The following INO80D variants were observed in gnomAD, a reference collection of about 807,000 sequenced individuals.
INO80D encodes INO80 complex subunit D.
INO80D carries 21 observed loss-of-function variants against 87.6 expected under a neutral mutation model. That is an observed-to-expected ratio of 0.24 (90% CI 0.17 to 0.35). The LOEUF (loss-of-function observed/expected upper bound fraction) is 0.35. Among genes scored for constraint, INO80D ranks in the 10% least tolerant of loss-of-function variants. The pLI, the probability that INO80D is intolerant of heterozygous loss-of-function variation, is 1.00. For synonymous variants in INO80D, 440 were observed against 491.0 expected, an observed-to-expected ratio of 0.90 and a Z score of 1.37; for missense variants, 982 against 1,280.7, an observed-to-expected ratio of 0.77 and a Z score of 3.56.
intron 1 of INO80D, among the ~76,000 whole-genome samples, chr2:206,080,902 CAAAAAAAAAA>C (rs60198558): frequency 3.2e-4 from 12 of 38,064 alleles, no homozygotes; most frequent in Non-Finnish European, 4.9e-4. Flanking sequence ...GACTCAGTCT[CAAAAAAAAAA>C]AAAAAAAAAA....
chr2:206,005,416 C>A lies in INO80D; in HGVS notation c.2036G>T (p.Gly679Val), dbSNP rs755534871. The change falls in exon 11 of 11, where the codon GGT becomes GTT. Residue 679 changes from glycine (G) to valine (V), a missense_variant. By Grantham distance (109) the Gly-to-Val change is moderately radical. Coordinates refer to ENST00000403263, the MANE Select transcript of INO80D (RefSeq NM_017759.5). ...STIGVLAQSD[G>V]VPVQELSDRG... ...ATCTGACAACTCCTGGACTGGCACACCATCTGACTGGGCAAGGACCCCAAT... is the reference window on the plus strand; with the variant it reads ...ATCTGACAACTCCTGGACTGGCACAACATCTGACTGGGCAAGGACCCCAAT... 1.2e-6 allele frequency: 2 copies of A among 1,613,984 alleles called. No individual in the cohort carries two copies. Among genetic ancestry groups the A allele is most frequent in the Non-Finnish European group, 8.5e-7 (1 of 1,179,892 alleles).
intron 5 of INO80D, among the ~76,000 whole-genome samples, chr2:206,036,739 C>T (rs1688906049): frequency 6.6e-6 from 1 of 152,164 alleles, no homozygotes; most frequent in Non-Finnish European, 1.5e-5. Flanking sequence ...GATGCTATTA[C>T]TGCAGAATGG....
intron 8 of INO80D, among the ~76,000 whole-genome samples, chr2:206,013,583 A>G (rs1688237391): frequency 6.6e-6 from 1 of 152,074 alleles, no homozygotes; most frequent in African/African-American, 2.4e-5. Context: ...ATAGGAACCA[A>G]AAATTCATTC....
At position 206,056,924 on chromosome 2, in the gene INO80D, G is replaced by A; in HGVS notation, c.238C>T (p.Gln80Ter). ...TTTTTCGGGATAAAGCCAAGTACCT[G>A]CAAGTGGCTGTTGCAGTACCTTTAA... ...EDRRYCNSHL[Q>*]VLGFIPKKER... The change falls in exon 4 of 11, where the codon CAG becomes TAG. Residue 80 changes from glutamine (Q) to a stop codon, truncating the protein, a stop_gained. Coordinates refer to ENST00000403263, the MANE Select transcript of INO80D (RefSeq NM_017759.5). LOFTEE classifies it high-confidence loss of function. The A allele has an allele frequency of 1.3e-6, 2 of 1,598,328 alleles. No individual in the cohort carries two copies. The highest frequency in any genetic ancestry group is 1.7e-6 in the Non-Finnish European group (2 of 1,168,584).
intron 1 of INO80D, among the ~76,000 whole-genome samples, chr2:206,067,605 T>C (rs1256312363): frequency 6.6e-6 from 1 of 152,204 alleles, no homozygotes; most frequent in Non-Finnish European, 1.5e-5. Context: ...ATTAAAATTT[T>C]TTAATTTGAA....
intron 5 of INO80D, among the ~76,000 whole-genome samples, chr2:206,028,799 G>A (rs1688685070): frequency 2.0e-5 from 3 of 152,132 alleles, no homozygotes; most frequent in South Asian, 2.1e-4. Flanking sequence ...TAACCATTCT[G>A]GTTTTTAACC....
chr2:206,080,885 A>T (rs576905473), intron 1 of INO80D, among the ~76,000 whole-genome samples: 19 of 141,290 alleles, frequency 1.3e-4, no homozygotes, highest in Admixed American at 1.0e-3. Context: ...CCTGGGCGAC[A>T]GAGTGAGACT....
chr2:206,036,121 A>T (rs1296756307), intron 5 of INO80D, among the ~76,000 whole-genome samples: 1 of 152,194 alleles, frequency 6.6e-6, no homozygotes, highest in African/African-American at 2.4e-5. Context: ...GTGATCAGGG[A>T]ACACTTCTAC....
chr2:206,059,593 T>G (rs1210835367), intron 3 of INO80D, among the ~76,000 whole-genome samples: 1 of 152,132 alleles, frequency 6.6e-6, no homozygotes, highest in Non-Finnish European at 1.5e-5. Flanking sequence ...ACACAGAATA[T>G]GTGTGGGTGT....
intron 3 of INO80D, among the ~76,000 whole-genome samples, chr2:206,059,747 G>GTGTGTGTC (rs772279856): frequency 6.6e-6 from 1 of 152,160 alleles, no homozygotes; most frequent in Non-Finnish European, 1.5e-5. Flanking sequence ...CACCGTGTGT[G>GTGTGTGTC]TGTGTGTCTG....
At chr2:206,084,568 T>C (rs1690383275) in intron 1 of INO80D, 1 of 152,200 alleles carries the variant, frequency 6.6e-6, no homozygotes, top group Non-Finnish European at 1.5e-5. Context: ...GTTCCGGTGT[T>C]GGTTTTACCG....
intron 3 of INO80D, among the ~76,000 whole-genome samples, chr2:206,058,608 G>T (rs553386083): frequency 1.3e-5 from 2 of 152,002 alleles, no homozygotes; most frequent in African/African-American, 4.8e-5. Flanking sequence ...GATGGTAGAT[G>T]CCTGTAATCC....
At chr2:206,080,915 A>AG (rs1471746830) in intron 1 of INO80D, among the ~76,000 whole-genome samples, 1 of 150,312 alleles carries the variant, frequency 6.7e-6, no homozygotes, top group Non-Finnish European at 1.5e-5. Context: ...AAAAAAAAAA[A>AG]AAAAAAAAAA....
At chr2:206,020,463 A>C (rs904843516) in intron 6 of INO80D, among the ~76,000 whole-genome samples, 2 of 152,188 alleles carry the variant, frequency 1.3e-5, no homozygotes, top group Non-Finnish European at 2.9e-5. Context: ...TAAATCTGCA[A>C]AAAAACTCTT....
chr2:206,030,600 G>A (rs1185414615), intron 5 of INO80D, among the ~76,000 whole-genome samples: 2 of 152,124 alleles, frequency 1.3e-5, no homozygotes, highest in African/African-American at 4.8e-5. Flanking sequence ...TAGACAGGAT[G>A]GTGAACAGCA....
At chr2:206,058,533 G>A (rs988176990) in intron 3 of INO80D, among the ~76,000 whole-genome samples, 19 of 150,714 alleles carry the variant, frequency 1.3e-4, no homozygotes, top group African/African-American at 3.9e-4. Context: ...CCAGGAGTTC[G>A]AGACCAGCTT....
chr2:206,025,710 T>C (rs967854629), intron 6 of INO80D: 2 of 151,296 alleles, frequency 1.3e-5, no homozygotes, highest in African/African-American at 4.9e-5. Context: ...GAAAAGAAAT[T>C]TTTTAAATGT....
chr2:206,069,266 A>C (rs1158625395), intron 1 of INO80D, among the ~76,000 whole-genome samples: 7 of 152,088 alleles, frequency 4.6e-5, no homozygotes, highest in Non-Finnish European at 8.8e-5. Context: ...TTTTATGATG[A>C]TCTGCTTCCA....
chr2:206,071,060 C>T (rs778562507), intron 1 of INO80D, among the ~76,000 whole-genome samples: 37 of 151,698 alleles, frequency 2.4e-4, no homozygotes, highest in Non-Finnish European at 4.7e-4. Flanking sequence ...TGGGTTCAAG[C>T]GAATTCTCCT....
Sources: gnomAD v4.1 joint callset for allele counts (sites outside exome capture counted in the v4.1 genomes callset) on GRCh38, gnomAD v4.1.1 for gene constraint, MANE v1.5 for transcripts, NCBI Gene and HGNC (gene_info 2026-07-23, HGNC 2026-07-21) for gene names.